Variants in RPL30 observed in about 807,000 individuals in gnomAD.
The protein encoded by RPL30 is large ribosomal subunit protein eL30.
For missense variants in RPL30, 60 were observed against 138.0 expected, an observed-to-expected ratio of 0.43 and a Z score of 2.83; for synonymous variants, 40 against 50.4, an observed-to-expected ratio of 0.79 and a Z score of 0.87.
At chr8:98,044,213 T>A (rs1221305532) in intron 3 of RPL30, 1 of 152,268 alleles carries the variant, frequency 6.6e-6, no homozygotes, top group Non-Finnish European at 1.5e-5. Context: ...TGCACAGTCA[T>A]GTTTCAGAAG....
intron 1 of RPL30, 42 bp from the exon 2 acceptor site, chr8:98,045,441 A>G (rs548909700): frequency 1.3e-6 from 2 of 1,592,584 alleles, no homozygotes; most frequent in South Asian, 1.1e-5. Flanking sequence ...TAGGATCCGG[A>G]GTTACAAATG....
chr8:98,045,010 T>C lies in RPL30; in HGVS notation c.100A>G (p.Thr34Ala), dbSNP rs1364823423. The C allele has an allele frequency of 1.2e-6, 2 of 1,614,006 alleles. No individual in the cohort carries two copies. Among genetic ancestry groups the C allele is most frequent in the Non-Finnish European group, 1.7e-6 (2 of 1,180,008 alleles). ...SGKYVLGYKQ[T>A]LKMIRQGKAK... Reference sequence around the variant, plus strand: ...TTGCCTTGTCTGATCATCTTCAGAGTCTGCTTGTACCCCAGGACGTACTTC... The same window carrying C: ...TTGCCTTGTCTGATCATCTTCAGAGCCTGCTTGTACCCCAGGACGTACTTC... Residue 34 changes from threonine to alanine, a missense_variant, in exon 3 of 5, where the codon ACT becomes GCT. Physicochemically the swap from Thr to Ala is moderately conservative, Grantham distance 58. Coordinates refer to ENST00000287038, the MANE Select transcript of RPL30 (RefSeq NM_000989.4).
rs1192049337 is a variant in RPL30 at position 98,042,299 on chromosome 8, T to C, written c.298+346A>G. On this transcript the variant is annotated intron_variant, in intron 4 of 4. Coordinates refer to ENST00000287038, the MANE Select transcript of RPL30 (RefSeq NM_000989.4). ...ACTTTTTTTTTTCTCAAGCTAATTT[T>C]ACATGTCTGTTCTCAAGAAGCAAGA... The C allele has an allele frequency of 1.7e-5, 8 of 484,028 alleles. No homozygotes were observed. The East Asian group carries it at 3.8e-4, about 23-fold the overall frequency. 30.0% of individuals were successfully genotyped at this position (484,028 alleles called of 1,614,324 possible).
chr8:98,045,101 CATT>C lies in RPL30; in HGVS notation c.22-16_22-14del, dbSNP rs780588127. On this transcript the variant is annotated splice_polypyrimidine_tract_variant and intron_variant, in intron 2 of 4. Coordinates refer to ENST00000287038, the MANE Select transcript of RPL30 (RefSeq NM_000989.4). Reference sequence around the variant, plus strand: ...CCAGCGACTTTTTCTACAAAGCAAACATTAAATACGGACCTAAGGGCCTCGCCT... The same window carrying C: ...CCAGCGACTTTTTCTACAAAGCAAACAAATACGGACCTAAGGGCCTCGCCT... 6.2e-7 allele frequency: 1 copy of C among 1,612,450 alleles called. No homozygotes were observed. The highest frequency in any genetic ancestry group is 1.1e-5 in the South Asian group (1 of 90,924).
intron 4 of RPL30, chr8:98,042,154 T>C (rs748449306): frequency 3.3e-6 from 2 of 599,260 alleles, no homozygotes; most frequent in Admixed American, 1.8e-5. Context: ...TGCATGGTCT[T>C]AATATAGCGA....
intron 3 of RPL30, chr8:98,043,072 G>T: frequency 4.8e-6 from 1 of 210,060 alleles, no homozygotes; most frequent in Non-Finnish European, 9.5e-6. Flanking sequence ...GCATTATCTA[G>T]CATTAGTAAG....
chr8:98,042,786 C>A lies in RPL30; in HGVS notation c.168-11G>T. On this transcript the variant is annotated splice_polypyrimidine_tract_variant and intron_variant, in intron 3 of 4. Transcript: ENST00000287038. ...TCTATTTCAGATTTCCTTTGGGAAC[C>A]AAAATGGGCAAATAAATAAATGCGA... 1 of 1,551,412 alleles carries A rather than the reference C, an allele frequency of 6.4e-7. No homozygotes were observed.
At chr8:98,042,339 T>C in intron 4 of RPL30, 1 of 433,568 alleles carries the variant, frequency 2.3e-6, no homozygotes, top group Non-Finnish European at 4.3e-6. Context: ...CTTTCTTCTG[T>C]TTTGCCAGAT....
rs1400960583 is a variant in RPL30 at position 98,045,105 on chromosome 8, A to AG, written c.22-18_22-17insC. 6.2e-7 allele frequency: 1 copy of AG among 1,612,352 alleles called. No individual in the cohort carries two copies. Among genetic ancestry groups the AG allele is most frequent in the Non-Finnish European group, 8.5e-7 (1 of 1,178,990 alleles). On this transcript the variant is annotated splice_polypyrimidine_tract_variant and intron_variant, in intron 2 of 4. Coordinates refer to ENST00000287038, the MANE Select transcript of RPL30 (RefSeq NM_000989.4). ...CGACTTTTTCTACAAAGCAAACATT[A>AG]AATACGGACCTAAGGGCCTCGCCTG...
intron 2 of RPL30, 102 bp from the exon 3 acceptor site, chr8:98,045,190 G>A (rs1483104157): frequency 1.9e-6 from 3 of 1,546,874 alleles, no homozygotes; most frequent in Non-Finnish European, 1.8e-6. Context: ...TTCCGAAGTC[G>A]AGGACCCCAA....
chr8:98,041,774 C>T lies in RPL30; in HGVS notation c.*27G>A. On this transcript the variant is annotated 3_prime_UTR_variant, in exon 5 of 5. Coordinates refer to ENST00000287038, the MANE Select transcript of RPL30 (RefSeq NM_000989.4). ...GAAAATTTTGCAGGTTTAAGGTTTG[C>T]AGGTGAAATTTTGTAGGTGAAAAGG... The T allele has an allele frequency of 6.4e-7, 1 of 1,550,694 alleles. No homozygotes were observed.
chr8:98,044,721 A>G, intron 3 of RPL30: 1 of 493,148 alleles, frequency 2.0e-6, no homozygotes, highest in Non-Finnish European at 3.6e-6. Context: ...CACTCCTGCC[A>G]CACACACACA....
chr8:98,043,446 T>TTTTA (rs1554618472), intron 3 of RPL30: 3 of 150,638 alleles, frequency 2.0e-5, no homozygotes, highest in Admixed American at 6.6e-5. Context: ...TTTTTTTTTT[T>TTTTA]AATCTAATGA....
chr8:98,044,168 G>C (rs945254842), intron 3 of RPL30: 2 of 152,208 alleles, frequency 1.3e-5, no homozygotes, highest in African/African-American at 4.8e-5. Context: ...AATGAAATCA[G>C]AACTTGCATT....
intron 2 of RPL30, 90 bp from the exon 3 acceptor site, chr8:98,045,178 A>G: frequency 2.6e-6 from 4 of 1,562,202 alleles, no homozygotes; most frequent in Non-Finnish European, 3.5e-6. Context: ...AGCCCCTTAA[A>G]CTTCCGAAGT....
At chr8:98,042,573 T>C in intron 4 of RPL30, 72 bp downstream of exon 4, 1 of 1,385,372 alleles carries the variant, frequency 7.2e-7, no homozygotes, top group Non-Finnish European at 9.9e-7. Flanking sequence ...ATTTGCGTAG[T>C]AAGAAATACT....
rs77033333 is a variant in RPL30, at chr8:98,045,487, G to A, written c.-33+21C>T. 5.6e-4 allele frequency: 671 copies of A among 1,194,720 alleles called. 6 individuals carry two copies. In the East Asian group the frequency reaches 0.014, roughly 25 times the overall value. 74.0% of individuals were successfully genotyped at this position (1,194,720 alleles called of 1,614,324 possible). On this transcript the variant is annotated intron_variant, in intron 1 of 4. Coordinates refer to ENST00000287038, the MANE Select transcript of RPL30 (RefSeq NM_000989.4). The stretch of plus-strand genomic sequence containing the variant: ...AAGCTCCCCGCGCTGCCTAAACCTC[G>A]GTCGGTAGGAGCCCACTCACCAACA...
In RPL30 at chr8:98,042,760, C is replaced by T. The variant is rs749474009; in HGVS notation, c.183G>A (p.Glu61=). 6.4e-7 allele frequency: 1 copy of T among 1,565,704 alleles called. No individual in the cohort carries two copies. Among genetic ancestry groups the T allele is most frequent in the South Asian group, 1.2e-5 (1 of 83,972 alleles). ...NCPALRKSEI[E]YYAMLAKTGV... is the part of the protein sequence containing the mutation. ...CAGTTTTAGCCAACATAGCATAGTA[C>T]TCTATTTCAGATTTCCTTTGGGAAC... Residue 61 remains glutamate, a synonymous_variant, in exon 4 of 5, where the codon GAG becomes GAA. Transcript: ENST00000287038.
chr8:98,044,877 A>T (rs1471448353), intron 3 of RPL30, 66 bp downstream of exon 3: 2 of 1,513,352 alleles, frequency 1.3e-6, no homozygotes, highest in East Asian at 2.3e-5. Context: ...TTACAAGTTT[A>T]CACTCCTGTA....
Sources: gnomAD v4.1 joint callset for allele counts on GRCh38, gnomAD v4.1.1 for gene constraint, MANE v1.5 for transcripts, NCBI Gene and HGNC (gene_info 2026-07-23, HGNC 2026-07-21) for gene names.